Variants in TAPT1 observed in about 807,000 individuals in gnomAD.
The protein encoded by TAPT1 is transmembrane anterior posterior transformation protein 1 homolog.
TAPT1 carries 28 observed loss-of-function variants against 65.6 expected under a neutral mutation model. That is an observed-to-expected ratio of 0.43 (90% CI 0.32 to 0.59). TAPT1 has a LOEUF of 0.59. Among genes scored for constraint, TAPT1 ranks in the 20% least tolerant of loss-of-function variants. The pLI, the probability that TAPT1 is intolerant of heterozygous loss-of-function variation, is 0.09. For missense variants in TAPT1, 563 were observed against 679.9 expected (o/e 0.83, Z 1.91); for synonymous variants, 278 against 245.2 (o/e 1.13, Z -1.25).
rs1037063990 is a variant in TAPT1, at chr4:16,162,497, A to T, written c.*811T>A. The T allele has an allele frequency of 1.3e-5, 2 of 152,806 alleles. No individual in the cohort carries two copies. The highest frequency in any genetic ancestry group is 2.9e-5 in the Non-Finnish European group (2 of 68,180). The allele number at this position is 152,806 out of a possible 1,614,324, so 9.5% of individuals were successfully genotyped here. A position where few individuals can be genotyped will look rare whatever the true frequency, so the allele number is the denominator to read the frequency against. ...ATGAAGTAATTAGTTTTAAAGCAAA[A>T]TCAGTTAAGTATACCTTAAAGTTAA... On this transcript the variant is annotated 3_prime_UTR_variant, in exon 14 of 14. Transcript: ENST00000405303.
intron 11 of TAPT1, 73 bp from the exon 12 acceptor site, chr4:16,170,802 T>A (rs552860348): frequency 4.7e-5 from 54 of 1,143,508 alleles, no homozygotes; most frequent in Non-Finnish European, 6.3e-5. Context: ...TAGTTAATAC[T>A]TAAAAAGATT....
rs28375815 is a variant in TAPT1 at position 16,169,264 on chromosome 4, C to T, written c.1313+1389G>A. Among the ~76,000 whole-genome samples, 563 of 152,232 alleles carry T rather than the reference C, an allele frequency of 3.7e-3. 5 individuals carry two copies. The highest frequency in any genetic ancestry group is 0.013 in the African/African-American group (531 of 41,532). ...GTAACTCAAGATTAAAGCACATACC[C>T]CTGGATGAACTATGCACAGGCAAGT... On this transcript the variant is annotated intron_variant, in intron 12 of 13. Coordinates refer to ENST00000405303, the MANE Select transcript of TAPT1 (RefSeq NM_153365.3).
chr4:16,173,889 G>A (rs1181109211), intron 11 of TAPT1, among the ~76,000 whole-genome samples: 1 of 152,136 alleles, frequency 6.6e-6, no homozygotes, highest in African/African-American at 2.4e-5. Context: ...CAGTGGCCAC[G>A]TTAATGACCA....
intron 4 of TAPT1, among the ~76,000 whole-genome samples, chr4:16,189,199 T>C (rs746160793): frequency 3.3e-4 from 50 of 152,206 alleles, no homozygotes; most frequent in Non-Finnish European, 5.6e-4. Context: ...GGGCATGATA[T>C]TCAGGATTCA....
At chr4:16,196,181 T>C (rs913692295) in intron 3 of TAPT1, among the ~76,000 whole-genome samples, 1 of 152,192 alleles carries the variant, frequency 6.6e-6, no homozygotes, top group African/African-American at 2.4e-5. Context: ...AAATTAAGTA[T>C]CTTAAATCTT....
At chr4:16,177,957 GA>G (rs1560158006) in intron 8 of TAPT1, among the ~76,000 whole-genome samples, 2 of 152,158 alleles carry the variant, frequency 1.3e-5, no homozygotes, top group Admixed American at 6.6e-5. Flanking sequence ...AAGGAGGCAA[GA>G]TAATTTATTA....
intron 12 of TAPT1, among the ~76,000 whole-genome samples, chr4:16,168,357 A>T (rs563380367): frequency 2.2e-4 from 33 of 152,014 alleles, no homozygotes; most frequent in Non-Finnish European, 4.3e-4. Context: ...CAATCCTCCC[A>T]CCCAGCCTGC....
rs555679744 is a variant in TAPT1 at position 16,207,115 on chromosome 4, A to T, written c.331-4535T>A. 2.0e-5 allele frequency among the ~76,000 whole-genome samples: 3 copies of T among 152,328 alleles called. No individual in the cohort carries two copies. In the South Asian group the frequency reaches 6.2e-4, roughly 32 times the overall value. On this transcript the variant is annotated intron_variant, in intron 2 of 13. Transcript: ENST00000405303. ...GCCACACAGCAGGGGCTGGGGGACA[A>T]GGAGGGGGAACATCTGCACAAGGGT...
intron 2 of TAPT1, among the ~76,000 whole-genome samples, chr4:16,204,935 C>T (rs893679545): frequency 6.6e-6 from 1 of 152,162 alleles, no homozygotes; most frequent in African/African-American, 2.4e-5. Context: ...AAGGAAATTA[C>T]AAAATGAAAA....
chr4:16,195,769 C>A (rs947981740), intron 3 of TAPT1, among the ~76,000 whole-genome samples: 1 of 152,084 alleles, frequency 6.6e-6, no homozygotes, highest in Admixed American at 6.6e-5. Context: ...TAGAGAAAGA[C>A]GATCAAGGGT....
At chr4:16,168,997 AT>A (rs1560150420) in intron 12 of TAPT1, among the ~76,000 whole-genome samples, 1 of 152,340 alleles carries the variant, frequency 6.6e-6, no homozygotes, top group East Asian at 1.9e-4. Context: ...TTCTGATTTT[AT>A]TTTTTTAACT....
At chr4:16,188,947 A>G (rs886259306) in intron 4 of TAPT1, among the ~76,000 whole-genome samples, 3 of 152,092 alleles carry the variant, frequency 2.0e-5, no homozygotes, top group Admixed American at 6.6e-5. Context: ...GGGGGTGGGC[A>G]CATCAAAATC....
At chr4:16,215,806 T>G (rs1750907943) in intron 1 of TAPT1, among the ~76,000 whole-genome samples, 1 of 152,216 alleles carries the variant, frequency 6.6e-6, no homozygotes, top group African/African-American at 2.4e-5. Context: ...TTAGGAACTT[T>G]CTAATATGTT....
chr4:16,166,452 T>C (rs1578405322), intron 13 of TAPT1, among the ~76,000 whole-genome samples, 181 bp downstream of exon 13: 2 of 152,074 alleles, frequency 1.3e-5, no homozygotes, highest in Non-Finnish European at 2.9e-5. Flanking sequence ...AATGAGTAAA[T>C]GGAAAAACTC....
chr4:16,187,088 T>C (rs369261577), intron 5 of TAPT1, among the ~76,000 whole-genome samples: 1 of 152,282 alleles, frequency 6.6e-6, no homozygotes, highest in East Asian at 1.9e-4. Context: ...AAAGTGGAAA[T>C]GTACCTCTAT....
chr4:16,177,786 T>G (rs1315522129), intron 8 of TAPT1, among the ~76,000 whole-genome samples: 3 of 151,784 alleles, frequency 2.0e-5, no homozygotes, highest in Non-Finnish European at 4.4e-5. Flanking sequence ...CCCTGAGAAC[T>G]TAGAGCAACC....
chr4:16,187,227 A>G (rs1239114698), intron 5 of TAPT1, among the ~76,000 whole-genome samples: 2 of 152,216 alleles, frequency 1.3e-5, no homozygotes, highest in Non-Finnish European at 2.9e-5. Context: ...GGAATAAATT[A>G]TGGTAAATAC....
At chr4:16,195,429 T>C (rs1304809051) in intron 3 of TAPT1, among the ~76,000 whole-genome samples, 1 of 152,224 alleles carries the variant, frequency 6.6e-6, no homozygotes, top group Non-Finnish European at 1.5e-5. Context: ...TGAAACATAC[T>C]GTTGGGCAAA....
intron 11 of TAPT1, among the ~76,000 whole-genome samples, chr4:16,172,258 C>T (rs1748043628): frequency 6.6e-6 from 1 of 151,762 alleles, no homozygotes; most frequent in Admixed American, 6.6e-5. Flanking sequence ...AAAAAAAGTT[C>T]ATACTATGAG....
Sources: gnomAD v4.1 joint callset for allele counts (sites outside exome capture counted in the v4.1 genomes callset) on GRCh38, gnomAD v4.1.1 for gene constraint, MANE v1.5 for transcripts, NCBI Gene and HGNC (gene_info 2026-07-23, HGNC 2026-07-21) for gene names.